LRMDA: variants seen among roughly 807,000 people sequenced by gnomAD.
LRMDA encodes the protein leucine rich melanocyte differentiation associated, also known as leucine-rich melanocyte differentiation-associated protein.
A neutral mutation model predicts 29.8 loss-of-function variants in LRMDA; 18 were observed. The ratio of observed to expected loss-of-function variants is 0.60; its 90% confidence interval spans 0.42 to 0.90. LRMDA has a LOEUF of 0.90. Ranked by LOEUF, LRMDA falls within the 40% of genes least tolerant of loss-of-function variation. The probability of loss-of-function intolerance (pLI) is 0.00; values close to 1 mark genes in which losing one functional copy is unlikely to be tolerated. For missense variants in LRMDA, 273 were observed against 273.9 expected, an observed-to-expected ratio of 1.00 and a Z score of 0.02; for synonymous variants, 125 against 109.4, an observed-to-expected ratio of 1.14 and a Z score of -0.89.
chr10:76,218,649 C>G (rs1370131293), intron 5 of LRMDA, among the ~76,000 whole-genome samples: 2 of 152,178 alleles, frequency 1.3e-5, no homozygotes, highest in Non-Finnish European at 2.9e-5. Context: ...GAGATCTCTT[C>G]TTTGGTCATC....
intron 4 of LRMDA, among the ~76,000 whole-genome samples, chr10:76,054,265 A>G (rs977071014): frequency 6.6e-6 from 1 of 152,098 alleles, no homozygotes; most frequent in African/African-American, 2.4e-5. Flanking sequence ...CCAAGCAGCA[A>G]CCACTTGGAA....
chr10:76,522,141 A>C (rs530434482), intron 6 of LRMDA, among the ~76,000 whole-genome samples: 2 of 152,318 alleles, frequency 1.3e-5, no homozygotes, highest in East Asian at 3.9e-4. Flanking sequence ...TTTTCAATAA[A>C]CATGTGTATA....
At chr10:76,445,737 G>T (rs1842348115) in intron 6 of LRMDA, among the ~76,000 whole-genome samples, 1 of 152,128 alleles carries the variant, frequency 6.6e-6, no homozygotes, top group East Asian at 1.9e-4. Flanking sequence ...AAGACTTGCT[G>T]CATTCCAAAA....
At chr10:75,700,132 A>C (rs1218643865) in intron 2 of LRMDA, among the ~76,000 whole-genome samples, 1 of 152,188 alleles carries the variant, frequency 6.6e-6, no homozygotes, top group Non-Finnish European at 1.5e-5. Flanking sequence ...AATGCCATCA[A>C]GTTTGGGATA....
At chr10:75,453,478 T>A (rs1346237341) in intron 2 of LRMDA, among the ~76,000 whole-genome samples, 3 of 152,210 alleles carry the variant, frequency 2.0e-5, no homozygotes, top group Non-Finnish European at 4.4e-5. Flanking sequence ...AAGCATGGGA[T>A]CATTTAGATG....
chr10:76,344,406 A>G (rs1311820718), intron 6 of LRMDA, among the ~76,000 whole-genome samples: 1 of 152,198 alleles, frequency 6.6e-6, no homozygotes, highest in Non-Finnish European at 1.5e-5. Context: ...CTTGACATTA[A>G]GAACAGACAT....
At position 76,036,059 on chromosome 10, in the gene LRMDA, C is replaced by T. The variant is rs1350586284; in HGVS notation, c.183C>T (p.Asp61=). The change falls in exon 3 of 7, where the codon GAC becomes GAT. Residue 61 remains aspartate, a synonymous_variant. Transcript: ENST00000611255. ...GGAGCCTGGAGGAACTCATCTTGGACAACAATCAGCTGGGGGACGACCTTG... is the reference window on the plus strand; with the variant it reads ...GGAGCCTGGAGGAACTCATCTTGGATAACAATCAGCTGGGGGACGACCTTG... ...AFRSLEELIL[D]NNQLGDDLVL... is the part of the protein sequence containing the mutation. 1.2e-6 allele frequency: 2 copies of T among 1,613,994 alleles called. No homozygotes were observed. Among genetic ancestry groups the T allele is most frequent in the South Asian group, 2.2e-5 (2 of 91,074 alleles).
At chr10:76,115,014 G>A (rs952915026) in intron 5 of LRMDA, among the ~76,000 whole-genome samples, 2 of 152,146 alleles carry the variant, frequency 1.3e-5, no homozygotes, top group African/African-American at 2.4e-5. Flanking sequence ...GAAAGCATTC[G>A]TAAAGGATAC....
chr10:76,111,824 G>A (rs781270479), intron 5 of LRMDA, among the ~76,000 whole-genome samples: 2 of 151,992 alleles, frequency 1.3e-5, no homozygotes, highest in Non-Finnish European at 2.9e-5. Context: ...GGGGGCGCAT[G>A]GTGGGCTCTC....
At chr10:75,900,297 A>C (rs970679043) in intron 2 of LRMDA, among the ~76,000 whole-genome samples, 1 of 152,208 alleles carries the variant, frequency 6.6e-6, no homozygotes, top group African/African-American at 2.4e-5. Flanking sequence ...ACTTGGTCGT[A>C]AAACTGTGCT....
At chr10:76,034,473 G>A (rs1413791410) in intron 2 of LRMDA, among the ~76,000 whole-genome samples, 1 of 152,192 alleles carries the variant, frequency 6.6e-6, no homozygotes, top group Non-Finnish European at 1.5e-5. Flanking sequence ...GGCGTGCTCT[G>A]GGAGTCGAGT....
chr10:76,553,382 A>G (rs1843518062), intron 6 of LRMDA, among the ~76,000 whole-genome samples: 1 of 152,236 alleles, frequency 6.6e-6, no homozygotes, highest in African/African-American at 2.4e-5. Flanking sequence ...ACCATTGCCT[A>G]CTGAGTCACA....
chr10:76,413,817 G>A (rs776205325), intron 6 of LRMDA, among the ~76,000 whole-genome samples: 1 of 152,192 alleles, frequency 6.6e-6, no homozygotes, highest in Middle Eastern at 3.2e-3. Context: ...CCAAATATGT[G>A]TTGAACTAAT....
chr10:76,157,989 A>G (rs1014818496), intron 5 of LRMDA, among the ~76,000 whole-genome samples: 1 of 150,764 alleles, frequency 6.6e-6, no homozygotes, highest in Non-Finnish European at 1.5e-5. Flanking sequence ...ACAAAAAAAA[A>G]GTTACAGTAA....
intron 6 of LRMDA, chr10:76,433,640 T>G (rs1842214665): frequency 6.6e-6 from 1 of 152,206 alleles, no homozygotes; most frequent in African/African-American, 2.4e-5. Context: ...AGGAACGCAC[T>G]GGGGAAACAG....
chr10:75,605,175 A>C (rs762764036), intron 2 of LRMDA, among the ~76,000 whole-genome samples: 12 of 152,226 alleles, frequency 7.9e-5, no homozygotes, highest in Non-Finnish European at 1.8e-4. Context: ...AAGTCTCAAG[A>C]CTGGGAATAT....
At chr10:76,207,704 C>T (rs1330068070) in intron 5 of LRMDA, among the ~76,000 whole-genome samples, 1 of 152,126 alleles carries the variant, frequency 6.6e-6, no homozygotes, top group Non-Finnish European at 1.5e-5. Flanking sequence ...TGGCTCATGC[C>T]TGTAATCCCA....
intron 6 of LRMDA, among the ~76,000 whole-genome samples, chr10:76,479,832 C>T (rs987011258): frequency 1.3e-5 from 2 of 151,902 alleles, no homozygotes; most frequent in African/African-American, 4.8e-5. Flanking sequence ...GCCTTATATG[C>T]TTTGACCTTG....
chr10:76,113,943 G>A (rs1435397783), intron 5 of LRMDA, among the ~76,000 whole-genome samples: 1 of 152,196 alleles, frequency 6.6e-6, no homozygotes, highest in East Asian at 1.9e-4. Context: ...AGTTTAAAGC[G>A]AAGATGCCAA....
Sources: gnomAD v4.1 joint callset for allele counts (sites outside exome capture counted in the v4.1 genomes callset) on GRCh38, gnomAD v4.1.1 for gene constraint, MANE v1.5 for transcripts, NCBI Gene and HGNC (gene_info 2026-07-23, HGNC 2026-07-21) for gene names.